The following FGF13 variants were observed in gnomAD, a reference collection of about 807,000 sequenced individuals.
The protein encoded by FGF13 is fibroblast growth factor homologous factor 2.
A neutral mutation model predicts 19.5 loss-of-function variants in FGF13; 2 were observed. The ratio of observed to expected loss-of-function variants is 0.10; its 90% CI spans 0.04 to 0.32. The LOEUF is 0.32. Among genes scored for constraint, FGF13 ranks in the 10% least tolerant of loss-of-function variants. FGF13 has a pLI of 1.00. For synonymous variants in FGF13, 72 were observed against 76.9 expected (o/e 0.94, Z 0.33); for missense variants, 113 against 192.7 (o/e 0.59, Z 2.45).
chrX:138,675,882 G>A (rs1440860764), intron 3 of FGF13, among the ~76,000 whole-genome samples: 1 of 111,247 alleles, frequency 9.0e-6, no homozygotes, highest in Non-Finnish European at 1.9e-5. Flanking sequence ...TCCACCATGT[G>A]GTGACAGCCA....
At chrX:138,653,742 T>C (rs1349612791) in intron 3 of FGF13, among the ~76,000 whole-genome samples, 4 of 111,297 alleles carry the variant, frequency 3.6e-5, no homozygotes, top group Non-Finnish European at 7.5e-5. Context: ...GTATATAAAC[T>C]AACAGACTAG....
At position 138,627,080 on chromosome X, in the gene FGF13, C is replaced by A. The variant is rs187022188; in HGVS notation, c.*5770G>T. On this transcript the variant is annotated 3_prime_UTR_variant, in exon 5 of 5. Transcript: ENST00000315930. ...GCAATTGGAGTTCCACTTTATTAAT[C>A]GCAGTAAGGAAAGAAAAATTCTCTG... 9.0e-6 allele frequency: 1 copy of A among 111,569 alleles called. No homozygotes were observed. Among genetic ancestry groups the A allele is most frequent in the Non-Finnish European group, 1.9e-5 (1 of 53,147 alleles). The allele number at this position is 111,569 out of a possible 1,213,427, so 9.2% of individuals were successfully genotyped here. A position where few individuals can be genotyped will look rare whatever the true frequency, so the allele number is the denominator to read the frequency against.
intron 1 of FGF13, among the ~76,000 whole-genome samples, chrX:139,107,010 T>A (rs17331429): frequency 2.2e-5 from 2 of 91,554 alleles, no homozygotes; most frequent in African/African-American, 4.0e-5. Flanking sequence ...AAAGCTATGC[T>A]ATTTTTTTTT....
At chrX:138,682,899 G>C (rs2089743515) in intron 3 of FGF13, among the ~76,000 whole-genome samples, 1 of 111,803 alleles carries the variant, frequency 8.9e-6, no homozygotes, top group Non-Finnish European at 1.9e-5. Flanking sequence ...AAACATGCTT[G>C]AGAATGCTTC....
intron 1 of FGF13, among the ~76,000 whole-genome samples, chrX:139,145,247 G>C (rs1603219897): frequency 9.0e-6 from 1 of 111,263 alleles, no homozygotes; most frequent in Non-Finnish European, 1.9e-5. Context: ...CTCTAGTGAG[G>C]AGGAATCAAA....
chrX:138,630,725 T>C lies in FGF13; in HGVS notation c.*2125A>G, dbSNP rs2089107164. The C allele has an allele frequency of 8.9e-6, 1 of 111,744 alleles. No individual in the cohort carries two copies. Among genetic ancestry groups the C allele is most frequent in the African/African-American group, 3.3e-5 (1 of 30,764 alleles). The allele number at this position is 111,744 out of a possible 1,213,427, so 9.2% of individuals were successfully genotyped here. On this transcript the variant is annotated 3_prime_UTR_variant, in exon 5 of 5. Transcript: ENST00000315930. ...TTGCAGATGCTCTGAAAAGCACTAG[T>C]CAACTACGTTTTATGTATTTCACAA...
rs957155238 is a variant in FGF13, at chrX:139,052,905, T to A, written c.-113+150511A>T. ...GGGGTACAGGTGGTATTTGGTTACA[T>A]GAGTAAGGTCTTCAGTGGTGATTTG... On this transcript the variant is annotated intron_variant, in intron 1 of 2. Coordinates refer to the FGF13 transcript ENST00000421460. Among the ~76,000 whole-genome samples, 4 of 111,436 alleles carry A rather than the reference T, an allele frequency of 3.6e-5. No homozygotes were observed. The Admixed American group carries it at 3.8e-4, about 11-fold the overall frequency.
intron 3 of FGF13, among the ~76,000 whole-genome samples, chrX:138,670,504 C>T (rs1490972910): frequency 8.9e-6 from 1 of 111,808 alleles, no homozygotes; most frequent in Admixed American, 9.5e-5. Flanking sequence ...TCTTTTAAAA[C>T]AATAATGTGG....
intron 1 of FGF13, among the ~76,000 whole-genome samples, chrX:138,729,687 AAAACAAACAAAC>A (rs756234277): frequency 2.7e-5 from 3 of 109,547 alleles, no homozygotes; most frequent in East Asian, 3.0e-4. Flanking sequence ...TAAGCCTAAT[AAAACAAACAAAC>A]AAACAAACAA....
intron 1 of FGF13, among the ~76,000 whole-genome samples, chrX:138,875,231 C>CAAAAA (rs748124343): frequency 6.3e-4 from 25 of 39,847 alleles, no homozygotes; most frequent in African/African-American, 2.1e-3. Context: ...GACTCTGTCT[C>CAAAAA]AAAAAAAAAA....
intron 1 of FGF13, among the ~76,000 whole-genome samples, chrX:139,060,973 C>T (rs1233963328): frequency 9.0e-6 from 1 of 111,241 alleles, no homozygotes; most frequent in African/African-American, 3.3e-5. Flanking sequence ...TCTTTATAGA[C>T]AATGCAGCTT....
At chrX:138,795,386 T>G (rs1213961142) in intron 3 of FGF13, among the ~76,000 whole-genome samples, 1 of 112,474 alleles carries the variant, frequency 8.9e-6, no homozygotes, top group African/African-American at 3.2e-5. Flanking sequence ...CTTTGTACTA[T>G]AAGTTATTCC....
At chrX:139,129,884 C>T (rs2083748344) in intron 1 of FGF13, among the ~76,000 whole-genome samples, 1 of 111,731 alleles carries the variant, frequency 9.0e-6, no homozygotes, top group African/African-American at 3.3e-5. Flanking sequence ...TCCACCTTAT[C>T]GATTCTCTGA....
chrX:139,150,099 G>A (rs2083922055), intron 1 of FGF13, among the ~76,000 whole-genome samples: 1 of 111,600 alleles, frequency 9.0e-6, no homozygotes, highest in African/African-American at 3.3e-5. Flanking sequence ...ACTACCAAAT[G>A]AGAGGGAGGA....
intron 3 of FGF13, among the ~76,000 whole-genome samples, chrX:138,700,524 C>G (rs1426889484): frequency 1.8e-5 from 2 of 111,082 alleles, no homozygotes; most frequent in African/African-American, 6.6e-5. Flanking sequence ...AATCTGGGCA[C>G]CACACTTTAA....
intron 3 of FGF13, among the ~76,000 whole-genome samples, chrX:138,850,672 TA>T (rs1466488193): frequency 8.9e-6 from 1 of 112,045 alleles, no homozygotes; most frequent in African/African-American, 3.2e-5. Flanking sequence ...GACTTTGAAA[TA>T]AAAAGGTTGA....
chrX:138,925,816 C>T (rs1046546290), intron 1 of FGF13, among the ~76,000 whole-genome samples: 1 of 111,688 alleles, frequency 9.0e-6, no homozygotes, highest in Non-Finnish European at 1.9e-5. Context: ...GAATGAGCTT[C>T]GTTGTGGGAC....
At chrX:139,071,745 C>T (rs765820810) in intron 1 of FGF13, among the ~76,000 whole-genome samples, 1 of 110,325 alleles carries the variant, frequency 9.1e-6, no homozygotes, top group Non-Finnish European at 1.9e-5. Context: ...TGGCTGGATG[C>T]GGTGGCTCAC....
At chrX:138,861,982 G>A (rs1004241214) in intron 2 of FGF13, among the ~76,000 whole-genome samples, 4 of 111,804 alleles carry the variant, frequency 3.6e-5, no homozygotes, top group Non-Finnish European at 7.5e-5. Context: ...CAACCTGGGC[G>A]ACAGAGTGAG....
Sources: allele counts gnomAD v4.1 joint callset (sites outside exome capture counted in the v4.1 genomes callset), GRCh38; gene constraint gnomAD v4.1.1; transcripts MANE v1.5; gene names NCBI Gene and HGNC (gene_info 2026-07-23, HGNC 2026-07-21).